The following CELF4 variants were observed in gnomAD, a reference collection of about 807,000 sequenced individuals.
The protein encoded by CELF4 is CUG-BP- and ETR-3-like factor 4.
A neutral mutation model predicts 59.9 loss-of-function variants in CELF4; 18 were observed. The observed-to-expected ratio is 0.30, with a 90% CI of 0.21 to 0.45. The LOEUF (loss-of-function observed/expected upper bound fraction) is 0.45, where lower values mean the gene tolerates loss of function less well. Among genes scored for constraint, CELF4 ranks in the 20% least tolerant of loss-of-function variants. The pLI is 1.00. For synonymous variants in CELF4, 261 were observed against 267.1 expected (o/e 0.98, Z 0.22); for missense variants, 456 against 689.0 (o/e 0.66, Z 3.79).
At chr18:37,274,500 G>A in intron 5 of CELF4, 46 bp from the exon 6 acceptor site, 1 of 1,608,600 alleles carries the variant, frequency 6.2e-7, no homozygotes, top group Non-Finnish European at 8.5e-7. Flanking sequence ...CAGAGCCTCC[G>A]CCCGCAGCTG....
In CELF4 at chr18:37,246,726, A is replaced by G. The variant is rs2062315657; in HGVS notation, c.*45-1529T>C. Among the ~76,000 whole-genome samples the G allele has an allele frequency of 6.6e-6, 1 of 152,236 alleles. No homozygotes were observed. Among genetic ancestry groups the G allele is most frequent in the Non-Finnish European group, 1.5e-5 (1 of 68,046 alleles). On this transcript the variant is annotated intron_variant, in intron 12 of 12. Coordinates refer to ENST00000420428, the MANE Select transcript of CELF4 (RefSeq NM_020180.4). The surrounding 1 kb of genome is among the most constrained non-coding windows in gnomAD (Gnocchi z 5.3). ...AATCACAATATTTTCAAGTGCAAGT[A>G]AATCAACCACGCATAGATATTTTTA...
At chr18:37,535,292 G>A (rs1162782037) in intron 1 of CELF4, among the ~76,000 whole-genome samples, 1 of 152,140 alleles carries the variant, frequency 6.6e-6, no homozygotes, top group Non-Finnish European at 1.5e-5. Flanking sequence ...TACCTTATTG[G>A]CGTTATTTAT....
intron 2 of CELF4, among the ~76,000 whole-genome samples, chr18:37,351,422 C>CA (rs1248629482): frequency 6.6e-6 from 1 of 152,138 alleles, no homozygotes; most frequent in Non-Finnish European, 1.5e-5. Context: ...CAACGTATAC[C>CA]AGAATGACTC....
chr18:37,247,315 G>T (rs1042261800), intron 12 of CELF4: 1 of 137,308 alleles, frequency 7.3e-6, no homozygotes, highest in Non-Finnish European at 1.5e-5. Flanking sequence ...AAGAAGAAAA[G>T]ATTTATATAT....
At chr18:37,388,481 C>A (rs1397681173) in intron 2 of CELF4, among the ~76,000 whole-genome samples, 1 of 151,722 alleles carries the variant, frequency 6.6e-6, no homozygotes, top group African/African-American at 2.4e-5. Flanking sequence ...CTCTCCCATC[C>A]TCCTCCTCTT....
chr18:37,493,680 G>A (rs2099917161), intron 1 of CELF4, among the ~76,000 whole-genome samples: 1 of 151,872 alleles, frequency 6.6e-6, no homozygotes, highest in Non-Finnish European at 1.5e-5. Context: ...GACTGCAGAG[G>A]TGGGGGAGGG....
intron 1 of CELF4, among the ~76,000 whole-genome samples, chr18:37,543,148 C>A (rs989019134): frequency 6.6e-6 from 1 of 152,192 alleles, no homozygotes; most frequent in Non-Finnish European, 1.5e-5. Flanking sequence ...AATCTGAACT[C>A]TAAATCCAGC....
At chr18:37,268,762 C>A (rs998355566) in intron 8 of CELF4, among the ~76,000 whole-genome samples, 3 of 152,200 alleles carry the variant, frequency 2.0e-5, no homozygotes, top group Admixed American at 6.5e-5. Context: ...CTCTGCCTAA[C>A]GACCTCATTA....
intron 1 of CELF4, among the ~76,000 whole-genome samples, chr18:37,523,079 C>T (rs945545360): frequency 1.3e-5 from 2 of 152,192 alleles, no homozygotes; most frequent in African/African-American, 4.8e-5. Context: ...GTAGGCATGG[C>T]TATGCTCCCC....
chr18:37,318,487 G>A (rs1277612804), intron 3 of CELF4, among the ~76,000 whole-genome samples: 3 of 150,928 alleles, frequency 2.0e-5, no homozygotes, highest in Non-Finnish European at 4.4e-5. Context: ...AGTATTTAAT[G>A]GCTATTAAAT....
intron 11 of CELF4, among the ~76,000 whole-genome samples, chr18:37,258,208 A>C (rs929028618): frequency 1.9e-4 from 29 of 151,470 alleles, no homozygotes; most frequent in African/African-American, 7.0e-4. Context: ...TATTTTTATT[A>C]CTCTCAGCTC....
intron 2 of CELF4, among the ~76,000 whole-genome samples, chr18:37,377,422 C>A (rs557439368): frequency 2.0e-5 from 3 of 152,326 alleles, no homozygotes; most frequent in African/African-American, 7.2e-5. Context: ...CCTTCCCAGA[C>A]AAATCCAACC....
chr18:37,521,634 C>T (rs1371708891), intron 1 of CELF4, among the ~76,000 whole-genome samples: 1 of 152,180 alleles, frequency 6.6e-6, no homozygotes, highest in African/African-American at 2.4e-5. Flanking sequence ...CACATGTCAT[C>T]ACAGATGCAC....
intron 3 of CELF4, chr18:37,306,471 C>G (rs571144326): frequency 1.3e-5 from 2 of 152,338 alleles, no homozygotes; most frequent in Non-Finnish European, 2.9e-5. Context: ...ACAGGGGACA[C>G]AGAATGGGCC....
rs532278744 is a variant in CELF4, at chr18:37,407,997, C to T, written c.369+77528G>A. 8.5e-5 allele frequency among the ~76,000 whole-genome samples: 13 copies of T among 152,188 alleles called. 1 individual carries two copies. The highest frequency in any genetic ancestry group is 9.6e-5 in the African/African-American group (4 of 41,520). The stretch of plus-strand genomic sequence containing the variant: ...GGATTTTTAAAAGGACTGGTTAAAC[C>T]GCAACACTGTGTGTACCGAAATTTG... On this transcript the variant is annotated intron_variant, in intron 2 of 12. Coordinates refer to ENST00000420428, the MANE Select transcript of CELF4 (RefSeq NM_020180.4).
chr18:37,344,305 GCAACCCGTGAAACACAGAA>G (rs2098168957), intron 2 of CELF4, among the ~76,000 whole-genome samples: 2 of 152,214 alleles, frequency 1.3e-5, no homozygotes, highest in Non-Finnish European at 2.9e-5. Flanking sequence ...CACATGGCAA[GCAACCCGTGAAACACAGAA>G]CAACCCGTGA....
intron 1 of CELF4, among the ~76,000 whole-genome samples, chr18:37,545,028 A>T (rs920380267): frequency 6.6e-6 from 1 of 152,160 alleles, no homozygotes; most frequent in South Asian, 2.1e-4. Flanking sequence ...TGTGGGGTTG[A>T]GGTCAGGAGC....
intron 1 of CELF4, among the ~76,000 whole-genome samples, chr18:37,530,462 A>G (rs1308443504): frequency 6.6e-6 from 1 of 152,122 alleles, no homozygotes; most frequent in Non-Finnish European, 1.5e-5. Flanking sequence ...GGAGAAGCAA[A>G]TCCACCAGCT....
intron 2 of CELF4, among the ~76,000 whole-genome samples, chr18:37,352,432 C>T (rs562624260): frequency 7.9e-5 from 12 of 152,010 alleles, no homozygotes; most frequent in African/African-American, 1.4e-4. Context: ...CACTTGAGCC[C>T]GGGAATTCAA....
Sources: allele counts gnomAD v4.1 joint callset (sites outside exome capture counted in the v4.1 genomes callset), GRCh38; gene constraint gnomAD v4.1.1; non-coding constraint Gnocchi (gnomAD v3.1); transcripts MANE v1.5; gene names NCBI Gene and HGNC (gene_info 2026-07-23, HGNC 2026-07-21).